Variants in BTBD8 observed in about 807,000 individuals in gnomAD.
BTBD8 encodes BTB domain containing 8, also known as BTB/POZ domain-containing protein 8.
BTBD8 carries 110 observed loss-of-function variants against 162.9 expected under a neutral mutation model. That is an observed-to-expected ratio of 0.68 (90% CI 0.58 to 0.79). The LOEUF is 0.79. Ranked by LOEUF, BTBD8 falls within the 30% of genes least tolerant of loss-of-function variation. The pLI, the probability that BTBD8 is intolerant of heterozygous loss-of-function variation, is 0.00. For synonymous variants in BTBD8, 667 were observed against 716.1 expected (o/e 0.93, Z 1.10); for missense variants, 1,905 against 2,085.4 (o/e 0.91, Z 1.68).
At chr1:92,173,158 C>T (rs1051788442) in intron 13 of BTBD8, among the ~76,000 whole-genome samples, 1 of 151,874 alleles carries the variant, frequency 6.6e-6, no homozygotes, top group Admixed American at 6.6e-5. Context: ...CTCCCGACCT[C>T]AGGTGATCTG....
chr1:92,107,784 T>G, intron 3 of BTBD8, 100 bp from the exon 4 acceptor site: 1 of 894,720 alleles, frequency 1.1e-6, no homozygotes, highest in Non-Finnish European at 1.7e-6. Flanking sequence ...TCCAACTAAT[T>G]GAGATAATTA....
intron 16 of BTBD8, among the ~76,000 whole-genome samples, chr1:92,179,161 G>C (rs1650811235): frequency 6.6e-6 from 1 of 151,716 alleles, no homozygotes; most frequent in Non-Finnish European, 1.5e-5. Context: ...CAGGAGAACT[G>C]CTTGAACCTG....
chr1:92,105,718 T>C (rs1415962001), intron 3 of BTBD8, among the ~76,000 whole-genome samples: 1 of 152,116 alleles, frequency 6.6e-6, no homozygotes, highest in Non-Finnish European at 1.5e-5. Flanking sequence ...TGAACCTGAG[T>C]TTATATGAAC....
At chr1:92,127,434 A>G (rs1006248550) in intron 4 of BTBD8, among the ~76,000 whole-genome samples, 1 of 152,236 alleles carries the variant, frequency 6.6e-6, no homozygotes, top group African/African-American at 2.4e-5. Context: ...TTCAGTTGGA[A>G]CGAAAGTCAT....
chr1:92,175,477 CAAAAA>C (rs71091265), intron 13 of BTBD8, among the ~76,000 whole-genome samples: 3 of 37,438 alleles, frequency 8.0e-5, no homozygotes, highest in African/African-American at 9.8e-5. Context: ...GACTCCATCT[CAAAAA>C]AAAAAAAAAA....
Position 92,168,000 on chromosome 1 carries a change from G to C in BTBD8, c.1443+15G>C, listed in dbSNP as rs919864370. On this transcript the variant is annotated intron_variant, in intron 11 of 17. Coordinates refer to ENST00000636805, the MANE Select transcript of BTBD8 (RefSeq NM_001376131.1). ...CAAAGGAAATGGTACTGAATGTAAT[G>C]AAATTTATTAAAATAATGCAATATT... 67 of 1,520,862 alleles carry C rather than the reference G, an allele frequency of 4.4e-5. No homozygotes were observed. The highest frequency in any genetic ancestry group is 5.6e-5 in the Non-Finnish European group (63 of 1,131,050). The allele number at this position is 1,520,862 out of a possible 1,614,324, so 94.2% of individuals were successfully genotyped here.
intron 16 of BTBD8, among the ~76,000 whole-genome samples, chr1:92,179,520 A>G (rs1255046286): frequency 6.6e-6 from 1 of 152,236 alleles, no homozygotes; most frequent in Non-Finnish European, 1.5e-5. Flanking sequence ...CTGAAAATCA[A>G]TTAAAAATAA....
intron 1 of BTBD8, among the ~76,000 whole-genome samples, chr1:92,082,831 T>C (rs1464880837): frequency 6.6e-6 from 1 of 152,116 alleles, no homozygotes; most frequent in Admixed American, 6.5e-5. Flanking sequence ...AAATGGACTG[T>C]TATTCAGGGC....
intron 9 of BTBD8, among the ~76,000 whole-genome samples, chr1:92,152,821 G>A (rs1650074213): frequency 6.6e-6 from 1 of 152,094 alleles, no homozygotes. Context: ...TTTCAAGACA[G>A]ATAAAAAGAT....
chr1:92,106,708 G>T (rs1648739123), intron 3 of BTBD8, among the ~76,000 whole-genome samples: 1 of 147,458 alleles, frequency 6.8e-6, no homozygotes. Flanking sequence ...CTTTATAGGG[G>T]CCCCTACAAA....
intron 13 of BTBD8, among the ~76,000 whole-genome samples, chr1:92,173,681 A>G (rs923948988): frequency 6.6e-6 from 1 of 152,252 alleles, no homozygotes; most frequent in Admixed American, 6.5e-5. Context: ...GCTGGACACA[A>G]AATCAAAAGA....
intron 4 of BTBD8, chr1:92,115,185 A>C (rs952820217): frequency 1.9e-6 from 1 of 535,984 alleles, no homozygotes; most frequent in Non-Finnish European, 3.7e-6. Context: ...AGATAGATGC[A>C]GGGATGATGT....
intron 4 of BTBD8, among the ~76,000 whole-genome samples, chr1:92,119,893 CTTTTTTTT>C (rs58297367): frequency 5.1e-5 from 3 of 58,386 alleles, no homozygotes; most frequent in African/African-American, 1.9e-4. Context: ...CGGCCCTTTT[CTTTTTTTT>C]TTTTTTTTTT....
intron 5 of BTBD8, among the ~76,000 whole-genome samples, chr1:92,137,926 G>A (rs1451588749): frequency 6.6e-6 from 1 of 152,148 alleles, no homozygotes; most frequent in Non-Finnish European, 1.5e-5. Context: ...ACAGACTGTT[G>A]TGATCTTCCA....
chr1:92,177,367 C>G lies in BTBD8; in HGVS notation c.2174C>G (p.Pro725Arg). ...TCACCATGCCTCAGCATCGCAGGACCCTCCAGCAGATCCACAGATTCAAGT... is the reference window on the plus strand; with the variant it reads ...TCACCATGCCTCAGCATCGCAGGACGCTCCAGCAGATCCACAGATTCAAGT... ...KDSPCLSIAG[P>R]SSRSTDSSME... Residue 725 changes from proline to arginine, a missense_variant, in exon 14 of 18, where the codon CCC (proline) becomes CGC (arginine). By Grantham distance (103) the Pro-to-Arg change is moderately radical. Transcript: ENST00000636805. The G allele has an allele frequency of 6.4e-7, 1 of 1,551,778 alleles. No homozygotes were observed. Among genetic ancestry groups the G allele is most frequent in the Non-Finnish European group, 8.7e-7 (1 of 1,147,028 alleles).
intron 3 of BTBD8, among the ~76,000 whole-genome samples, chr1:92,103,128 T>G (rs1648641608): frequency 6.6e-6 from 1 of 152,202 alleles, no homozygotes; most frequent in African/African-American, 2.4e-5. Context: ...TGCAAATTGA[T>G]GGAATGAGAA....
chr1:92,100,843 T>C (rs1188308842), intron 2 of BTBD8, among the ~76,000 whole-genome samples: 1 of 152,152 alleles, frequency 6.6e-6, no homozygotes, highest in Non-Finnish European at 1.5e-5. Flanking sequence ...ACTCCTGACC[T>C]CGTGATTCGT....
rs1031592114 is a variant in BTBD8 at position 92,098,591 on chromosome 1, A to T, written c.348-3882A>T. On this transcript the variant is annotated intron_variant, in intron 2 of 17. Transcript: ENST00000636805. ...TCAACATGTTATCTGTTTTTTTTTA[A>T]AATTATACCTATCCTAGTGGCTGTG... Among the ~76,000 whole-genome samples, 76 of 150,874 alleles carry T rather than the reference A, an allele frequency of 5.0e-4. 1 individual carries two copies. The highest frequency in any genetic ancestry group is 1.3e-4 in the Admixed American group (2 of 15,122).
intron 2 of BTBD8, among the ~76,000 whole-genome samples, chr1:92,091,314 A>G (rs769841117): frequency 1.3e-5 from 2 of 152,042 alleles, no homozygotes; most frequent in African/African-American, 2.4e-5. Context: ...GTTAAGTTTC[A>G]TGAGGCCTCC....
Sources: gnomAD v4.1 joint callset for allele counts (sites outside exome capture counted in the v4.1 genomes callset) on GRCh38, gnomAD v4.1.1 for gene constraint, MANE v1.5 for transcripts, NCBI Gene and HGNC (gene_info 2026-07-23, HGNC 2026-07-21) for gene names.